The following FCHO1 variants were observed in gnomAD, a reference collection of about 807,000 sequenced individuals.
FCHO1 encodes the protein FCH and mu domain containing endocytic adaptor 1, also known as F-BAR domain only protein 1.
A neutral mutation model predicts 114.4 loss-of-function variants in FCHO1; 45 were observed. The observed-to-expected ratio is 0.39, with a 90% confidence interval of 0.31 to 0.50. The LOEUF (loss-of-function observed/expected upper bound fraction) is 0.50. Among genes scored for constraint, FCHO1 ranks in the 20% least tolerant of loss-of-function variants. The pLI is 0.77. For missense variants in FCHO1, 1,042 were observed against 1,209.6 expected, an observed-to-expected ratio of 0.86 and a Z score of 2.06; for synonymous variants, 480 against 488.9, an observed-to-expected ratio of 0.98 and a Z score of 0.24.
At chr19:17,782,200 A>ATTTG (rs919432135) in intron 23 of FCHO1, among the ~76,000 whole-genome samples, 4 of 149,576 alleles carry the variant, frequency 2.7e-5, no homozygotes, top group Admixed American at 6.7e-5. Flanking sequence ...TTGTTTGTTT[A>ATTTG]TTTGTTTGTT....
rs758277394 is a variant in FCHO1, at chr19:17,755,138, G to A, written c.-27G>A. The A allele has an allele frequency of 3.1e-6, 5 of 1,613,010 alleles. No individual in the cohort carries two copies. Among genetic ancestry groups the A allele is most frequent in the Non-Finnish European group, 4.2e-6 (5 of 1,179,100 alleles). ...TTCAGACAGGCACTGGACGGGGCCTGCAGGGGTCTCCACAGAGACCATCAG... is the reference window on the plus strand; with the variant it reads ...TTCAGACAGGCACTGGACGGGGCCTACAGGGGTCTCCACAGAGACCATCAG... On this transcript the variant is annotated 5_prime_UTR_variant, in exon 4 of 29. Coordinates refer to ENST00000596536, the MANE Select transcript of FCHO1 (RefSeq NM_015122.3).
At position 17,775,185 on chromosome 19, in the gene FCHO1, T is replaced by C. The variant is rs1049676530; in HGVS notation, c.945+105T>C. The C allele has an allele frequency of 8.3e-6, 11 of 1,322,308 alleles. No homozygotes were observed. Among genetic ancestry groups the C allele is most frequent in the African/African-American group, 1.5e-5 (1 of 68,270 alleles). 81.9% of individuals were successfully genotyped at this position (1,322,308 alleles called of 1,614,324 possible). A position where few individuals can be genotyped will look rare whatever the true frequency, so the allele number is the denominator to read the frequency against. ...CCTACTGGAAACTAAAGAGCCGAGA[T>C]TGAGGGGCGGGCTGGAGCCTGGGGG... On this transcript the variant is annotated intron_variant, in intron 14 of 28. Coordinates refer to ENST00000596536, the MANE Select transcript of FCHO1 (RefSeq NM_015122.3). This position sits in a 1 kb window ranked among gnomAD's most constrained non-coding sequence, Gnocchi z 5.1.
At chr19:17,768,870 C>T (rs1238587694) in intron 7 of FCHO1, among the ~76,000 whole-genome samples, 3 of 151,902 alleles carry the variant, frequency 2.0e-5, no homozygotes, top group East Asian at 1.9e-4. Flanking sequence ...GCAGGCCAGG[C>T]GTGGTGTGCA....
intron 7 of FCHO1, among the ~76,000 whole-genome samples, chr19:17,767,117 C>A (rs1471900880): frequency 7.2e-6 from 1 of 138,698 alleles, no homozygotes; most frequent in South Asian, 2.4e-4. Flanking sequence ...GACAGGGTCT[C>A]ACTCTGTCAC....
rs372027238 is a variant in FCHO1, at chr19:17,766,245, C to T, written c.195-424C>T. ...AGGCTGGAGTGCAGTGGTGTGATCTCGGCTCGCTGCAAGCTCCACCTCCCG... is the reference window on the plus strand; with the variant it reads ...AGGCTGGAGTGCAGTGGTGTGATCTTGGCTCGCTGCAAGCTCCACCTCCCG... On this transcript the variant is annotated intron_variant, in intron 6 of 28. Coordinates refer to ENST00000596536, the MANE Select transcript of FCHO1 (RefSeq NM_015122.3). Among the ~76,000 whole-genome samples, 62 of 141,684 alleles carry T rather than the reference C, an allele frequency of 4.4e-4. No individual in the cohort carries two copies. In the East Asian group the frequency reaches 0.012, roughly 28 times the overall value. 93.0% of individuals were successfully genotyped at this position (141,684 alleles called of 152,430 possible). A position where few individuals can be genotyped will look rare whatever the true frequency, so the allele number is the denominator to read the frequency against.
rs780317293 is a variant in FCHO1, at chr19:17,751,780, G to A, written c.-183+203G>A. On this transcript the variant is annotated intron_variant, in intron 1 of 28. Transcript: ENST00000596536. The surrounding 1 kb of genome is among the most constrained non-coding windows in gnomAD (Gnocchi z 4.4). ...AGCTGTGAGTGGTGGTTTGGGTTAG[G>A]GGGGCGGCAAGGGGAGCTTGGAAAC... Among the ~76,000 whole-genome samples, 2 of 152,234 alleles carry A rather than the reference G, an allele frequency of 1.3e-5. No homozygotes were observed.
At chr19:17,778,925 T>C in intron 20 of FCHO1, 41 bp downstream of exon 20, 1 of 1,487,160 alleles carries the variant, frequency 6.7e-7, no homozygotes, top group African/African-American at 1.4e-5. Context: ...GCTGGAACCC[T>C]GGGCGGGGGA....
At position 17,761,842 on chromosome 19, in the gene FCHO1, G is replaced by A. The variant is rs181937047; in HGVS notation, c.28-920G>A. On this transcript the variant is annotated intron_variant, in intron 4 of 28. Coordinates refer to ENST00000596536, the MANE Select transcript of FCHO1 (RefSeq NM_015122.3). ...TGCCTGGCTAATTTTTGTATTTTTA[G>A]TAGAGACAGGGTTTCTCCATGCTGG... is the stretch of plus-strand genomic sequence containing the variant. Among the ~76,000 whole-genome samples the A allele has an allele frequency of 9.7e-4, 146 of 150,654 alleles. 1 individual carries two copies. Among genetic ancestry groups the A allele is most frequent in the African/African-American group, 3.3e-3 (136 of 40,910 alleles).
intron 4 of FCHO1, 118 bp from the exon 5 acceptor site, chr19:17,762,644 C>T: frequency 1.3e-6 from 1 of 788,338 alleles, no homozygotes; most frequent in Non-Finnish European, 2.3e-6. Flanking sequence ...TTCGCTCAGG[C>T]CCGAACAAGT....
At chr19:17,748,513 G>A (rs1002976047), upstream of FCHO1, among the ~76,000 whole-genome samples, 1 of 151,692 alleles carries the variant, frequency 6.6e-6, no homozygotes, top group Non-Finnish European at 1.5e-5. Flanking sequence ...GACTTGGGGG[G>A]GGGGTCCCTC....
At chr19:17,786,288 G>A (rs193219112) in intron 26 of FCHO1, among the ~76,000 whole-genome samples, 18 of 151,982 alleles carry the variant, frequency 1.2e-4, no homozygotes, top group African/African-American at 4.4e-4. Flanking sequence ...AGCAGAGATC[G>A]CACCAATGCA....
rs1345013934 is a variant in FCHO1, at chr19:17,766,786, G to A, written c.312G>A (p.Glu104=). The part of the protein sequence containing the change: ...DLIKDVLRYG[E]EQLKTHKKCK... Reference sequence around the variant, plus strand: ...TCAAGGACGTTCTCCGCTACGGCGAGGAACAGCTCAAGACCCACAAGAAGG... The same window carrying A: ...TCAAGGACGTTCTCCGCTACGGCGAAGAACAGCTCAAGACCCACAAGAAGG... The change falls in exon 7 of 29, where the codon GAG becomes GAA. Residue 104 remains glutamate, a synonymous_variant. Transcript: ENST00000596536. 2 of 1,614,126 alleles carry A rather than the reference G, an allele frequency of 1.2e-6. No individual in the cohort carries two copies. The highest frequency in any genetic ancestry group is 1.3e-5 in the African/African-American group (1 of 75,062).
At chr19:17,782,188 TTTTG>T (rs908862027) in intron 23 of FCHO1, among the ~76,000 whole-genome samples, 5 of 151,726 alleles carry the variant, frequency 3.3e-5, no homozygotes, top group East Asian at 1.9e-4. Context: ...TTATTGTGCT[TTTTG>T]TTTGTTTATT....
chr19:17,752,933 T>C (rs2082356454), intron 1 of FCHO1, among the ~76,000 whole-genome samples: 2 of 151,242 alleles, frequency 1.3e-5, no homozygotes, highest in Admixed American at 1.3e-4. Flanking sequence ...AAAAACTTAA[T>C]ACAAAAATTA....
chr19:17,778,977 GAC>G (rs2093017010), intron 20 of FCHO1, 93 bp downstream of exon 20: 2 of 1,321,776 alleles, frequency 1.5e-6, no homozygotes, highest in Admixed American at 2.9e-5. Context: ...GGCTGCTGGA[GAC>G]ACAGCCAGGA....
At chr19:17,760,627 T>C (rs2085740325) in intron 4 of FCHO1, among the ~76,000 whole-genome samples, 1 of 152,198 alleles carries the variant, frequency 6.6e-6, no homozygotes, top group African/African-American at 2.4e-5. Flanking sequence ...TTTGGGGCTT[T>C]GGGGAGCATT....
chr19:17,768,841 G>T (rs144265227), intron 7 of FCHO1, among the ~76,000 whole-genome samples: 1 of 152,004 alleles, frequency 6.6e-6, no homozygotes, highest in Non-Finnish European at 1.5e-5. Flanking sequence ...GGCCAGGAGT[G>T]AATTTTTAAG....
At position 17,781,824 on chromosome 19, in the gene FCHO1, C is replaced by T. The variant is rs1252955524; in HGVS notation, c.1937+4C>T. On this transcript the variant is annotated splice_donor_region_variant and intron_variant, in intron 23 of 28. Transcript: ENST00000596536. ...ACTTCCGTGGCCACAGCCCCAGGTA[C>T]CCAGTGATGGGCAGACAGGGCCCGT... 2 of 1,573,218 alleles carry T rather than the reference C, an allele frequency of 1.3e-6. No individual in the cohort carries two copies. Among genetic ancestry groups the T allele is most frequent in the Admixed American group, 1.9e-5 (1 of 53,482 alleles).
In FCHO1 at chr19:17,776,115, A is replaced by G; in HGVS notation, c.1136A>G (p.Gln379Arg). ...PACSPEAAAA[Q>R]LRATAGSLIL... ...TGCAGCCCCGAGGCAGCAGCGGCAC[A>G]GCTCAGGGCCACCGCGGGCAGCCTC... The change falls in exon 16 of 29, where the codon CAG (glutamine) becomes CGG (arginine). Residue 379 changes from glutamine (Q) to arginine (R), a missense_variant. By Grantham distance (43) the Gln-to-Arg change is conservative. This residue lies in a region of FCHO1 where 450 missense variants were observed against 564.1 expected (regional missense o/e 0.80). Transcript: ENST00000596536. The surrounding 1 kb of genome is among the most constrained non-coding windows in gnomAD (Gnocchi z 4.4). 3.7e-6 allele frequency: 6 copies of G among 1,613,088 alleles called. No homozygotes were observed. Among genetic ancestry groups the G allele is most frequent in the Non-Finnish European group, 4.2e-6 (5 of 1,179,842 alleles).
Sources: gnomAD v4.1 joint callset for allele counts (sites outside exome capture counted in the v4.1 genomes callset) on GRCh38, gnomAD v4.1.1 for gene constraint, gnomAD v4.1.1 regional missense constraint, Gnocchi (gnomAD v3.1) non-coding constraint, MANE v1.5 for transcripts, NCBI Gene and HGNC (gene_info 2026-07-23, HGNC 2026-07-21) for gene names.